Variants in COL6A5 observed in about 807,000 individuals in gnomAD.
COL6A5 encodes the protein collagen alpha-5(VI) chain.
COL6A5 carries 48 observed loss-of-function variants against 65.6 expected under a neutral mutation model. The observed-to-expected ratio is 0.73, with a 90% CI of 0.58 to 0.93. The LOEUF (loss-of-function observed/expected upper bound fraction) is 0.93, where lower values mean the gene tolerates loss of function less well. Ranked by LOEUF, COL6A5 falls within the 40% of genes least tolerant of loss-of-function variation. COL6A5 has a pLI of 0.00. For synonymous variants in COL6A5, 291 were observed against 322.8 expected (o/e 0.90, Z 1.05); for missense variants, 914 against 928.3 (o/e 0.98, Z 0.20).
intron 3 of COL6A5, among the ~76,000 whole-genome samples, chr3:130,442,004 C>T (rs1451742465): frequency 1.3e-5 from 2 of 152,140 alleles, no homozygotes; most frequent in African/African-American, 4.8e-5. Flanking sequence ...GTGATAATGT[C>T]TTGAGCCTTC....
intron 4 of COL6A5, among the ~76,000 whole-genome samples, chr3:130,445,417 G>A (rs971590071): frequency 3.9e-5 from 6 of 152,144 alleles, no homozygotes; most frequent in African/African-American, 1.4e-4. Context: ...TTGATTATTC[G>A]TCCAAATTTT....
At chr3:130,469,771 A>G (rs1348102055) in intron 6 of COL6A5, among the ~76,000 whole-genome samples, 1 of 152,064 alleles carries the variant, frequency 6.6e-6, no homozygotes, top group African/African-American at 2.4e-5. Context: ...TGATTGTGTC[A>G]TTTAATCTTC....
chr3:130,484,744 G>T (rs1023861441), exon 8 of COL6A5: 4 of 398,862 alleles, frequency 1.0e-5, no homozygotes, highest in South Asian at 1.3e-4. Flanking sequence ...TGCAGCAAAA[G>T]AATTACGGAA....
intron 1 of COL6A5, among the ~76,000 whole-genome samples, chr3:130,433,697 T>G (rs1937915106): frequency 6.6e-6 from 1 of 152,184 alleles, no homozygotes; most frequent in Non-Finnish European, 1.5e-5. Flanking sequence ...TCTGAGAGTG[T>G]CTGTTTCCCC....
intron 7 of COL6A5, among the ~76,000 whole-genome samples, chr3:130,480,977 C>T (rs942637887): frequency 4.6e-5 from 7 of 152,026 alleles, no homozygotes; most frequent in African/African-American, 7.2e-5. Context: ...TTCAAGGAAA[C>T]GCAGGCGCCT....
chr3:130,431,614 A>C, exon 1 of COL6A5: 1 of 1,551,562 alleles, frequency 6.4e-7, no homozygotes, highest in African/African-American at 1.4e-5. Flanking sequence ...TGTGGGAGCA[A>C]GAGTTGCCAT....
chr3:130,365,755 C>T (rs1001163867), intron 1 of COL6A5, among the ~76,000 whole-genome samples: 2 of 152,076 alleles, frequency 1.3e-5, no homozygotes, highest in Non-Finnish European at 2.9e-5. Flanking sequence ...ACTTAGTGGT[C>T]GTCAACCTTG....
At chr3:130,420,879 GA>G (rs1937504618) in intron 25 of COL6A5, among the ~76,000 whole-genome samples, 1 of 152,030 alleles carries the variant, frequency 6.6e-6, no homozygotes, top group Non-Finnish European at 1.5e-5. Context: ...ATTTTCTAGG[GA>G]AGAAACTGCC....
chr3:130,430,959 G>T (rs1476323533), upstream of COL6A5, among the ~76,000 whole-genome samples: 1 of 152,174 alleles, frequency 6.6e-6, no homozygotes, highest in African/African-American at 2.4e-5. Context: ...TGCATAAGTG[G>T]ATGGAAATCT....
At chr3:130,426,276 A>G (rs1368276234) in intron 30 of COL6A5, 27 bp downstream of exon 30, 12 of 1,551,216 alleles carry the variant, frequency 7.7e-6, no homozygotes, top group Non-Finnish European at 9.6e-6. Flanking sequence ...TCATGAAAGA[A>G]AACTCAATAA....
intron 5 of COL6A5, among the ~76,000 whole-genome samples, chr3:130,468,055 T>C (rs1159652404): frequency 6.6e-6 from 1 of 152,010 alleles, no homozygotes; most frequent in Non-Finnish European, 1.5e-5. Flanking sequence ...ATAAGAAGCT[T>C]GGCTCGGAAT....
At chr3:130,443,981 C>G (rs1454937395) in intron 4 of COL6A5, among the ~76,000 whole-genome samples, 1 of 152,144 alleles carries the variant, frequency 6.6e-6, no homozygotes, top group Non-Finnish European at 1.5e-5. Flanking sequence ...CCCTAGGCAT[C>G]TTTCATGACC....
At chr3:130,428,507 G>A (rs536496771), upstream of COL6A5, among the ~76,000 whole-genome samples, 7 of 152,184 alleles carry the variant, frequency 4.6e-5, no homozygotes, top group Admixed American at 6.5e-5. Context: ...AGACACATAA[G>A]TAAAGATTTT....
At chr3:130,353,963 T>A (rs1334013046) in intron 1 of COL6A5, among the ~76,000 whole-genome samples, 2 of 151,746 alleles carry the variant, frequency 1.3e-5, no homozygotes, top group East Asian at 1.9e-4. Context: ...CTTCCCAAAG[T>A]AAAAGAACAT....
chr3:130,433,812 G>C (rs571872196), intron 1 of COL6A5, among the ~76,000 whole-genome samples: 1 of 152,116 alleles, frequency 6.6e-6, no homozygotes, highest in East Asian at 1.9e-4. Context: ...TCCTGTGTGA[G>C]GTTAAACATT....
intron 4 of COL6A5, among the ~76,000 whole-genome samples, chr3:130,380,602 A>C (rs1559868566): frequency 6.6e-6 from 1 of 152,166 alleles, no homozygotes. Context: ...ACTGTCCACT[A>C]GGTCAGCCAC....
chr3:130,403,693 G>A (rs372710292), intron 13 of COL6A5, 31 bp downstream of exon 13: 285 of 1,496,152 alleles, frequency 1.9e-4, no homozygotes, highest in Non-Finnish European at 2.5e-4. Flanking sequence ...CTCACCCCCT[G>A]TTGCACACAC....
chr3:130,412,136 G>A (rs1418071033), intron 20 of COL6A5, among the ~76,000 whole-genome samples: 2 of 152,046 alleles, frequency 1.3e-5, no homozygotes, highest in African/African-American at 4.8e-5. Context: ...CACATTCAAG[G>A]CCCTATGCTT....
At chr3:130,397,462 C>A in intron 8 of COL6A5, 121 bp from the exon 9 acceptor site, 3 of 653,032 alleles carry the variant, frequency 4.6e-6, no homozygotes, top group South Asian at 4.2e-5. Flanking sequence ...CCTTCTTGAA[C>A]ACTATTTGGG....
Sources: gnomAD v4.1 joint callset for allele counts (sites outside exome capture counted in the v4.1 genomes callset) on GRCh38, gnomAD v4.1.1 for gene constraint, MANE v1.5 for transcripts, NCBI Gene and HGNC (gene_info 2026-07-23, HGNC 2026-07-21) for gene names.